GRIK4: variants seen among roughly 807,000 people sequenced by gnomAD.
The protein encoded by GRIK4 is glutamate ionotropic receptor kainate type subunit 4, also known as glutamate receptor ionotropic, kainate 4.
GRIK4 carries 40 observed loss-of-function variants against 104.9 expected under a neutral mutation model. The observed-to-expected ratio is 0.38, with a 90% CI of 0.30 to 0.50. GRIK4 has a LOEUF of 0.50. GRIK4 is among the 20% of genes least tolerant of loss of function. The probability of loss-of-function intolerance (pLI) is 0.93; values close to 1 mark genes in which losing one functional copy is unlikely to be tolerated. For missense variants in GRIK4, 1,047 were observed against 1,308.1 expected (o/e 0.80, Z 3.08); for synonymous variants, 485 against 524.9 (o/e 0.92, Z 1.04).
At chr11:120,815,618 A>C in intron 5 of GRIK4, 143 bp downstream of exon 5, 1 of 543,286 alleles carries the variant, frequency 1.8e-6, no homozygotes, top group African/African-American at 2.0e-5. Flanking sequence ...ATACAAATAC[A>C]GAAGCAGTGG....
intron 3 of GRIK4, among the ~76,000 whole-genome samples, chr11:120,687,965 TAAG>T (rs1157369880): frequency 6.6e-6 from 1 of 152,184 alleles, no homozygotes; most frequent in Non-Finnish European, 1.5e-5. Context: ...GTAAATGACT[TAAG>T]GAGAAAATTG....
chr11:120,913,250 C>G (rs1160457860), intron 13 of GRIK4, among the ~76,000 whole-genome samples: 1 of 152,108 alleles, frequency 6.6e-6, no homozygotes, highest in African/African-American at 2.4e-5. Context: ...CCTCATCTCC[C>G]TGCAGCCACA....
chr11:120,548,593 TA>T (rs76873168), intron 1 of GRIK4, among the ~76,000 whole-genome samples: 5,074 of 152,086 alleles, frequency 0.033, 118 homozygotes, highest in East Asian at 0.09. Flanking sequence ...CACTGGGTTT[TA>T]AGAGAGTGAA....
chr11:120,765,769 T>A (rs1009600796), intron 3 of GRIK4, among the ~76,000 whole-genome samples: 2 of 152,256 alleles, frequency 1.3e-5, no homozygotes, highest in Admixed American at 1.3e-4. Context: ...TGCCTGGGTA[T>A]CACCAGCAGA....
rs556751086 is a variant in GRIK4 at position 120,828,802 on chromosome 11, C to T, written c.512-3050C>T. 4.6e-4 allele frequency among the ~76,000 whole-genome samples: 70 copies of T among 152,328 alleles called. 1 individual carries two copies. Among genetic ancestry groups the T allele is most frequent in the African/African-American group, 1.6e-3 (66 of 41,578 alleles). On this transcript the variant is annotated intron_variant, in intron 6 of 20. Coordinates refer to ENST00000527524, the MANE Select transcript of GRIK4 (RefSeq NM_014619.5). ...ATGTTATATGGGATGGGGAATGATGCTGTTCTTTGTTTAAAGGACAGCAGA... is the reference window on the plus strand; with the variant it reads ...ATGTTATATGGGATGGGGAATGATGTTGTTCTTTGTTTAAAGGACAGCAGA...
intron 3 of GRIK4, among the ~76,000 whole-genome samples, chr11:120,796,061 G>A (rs1378904269): frequency 7.0e-6 from 1 of 142,404 alleles, no homozygotes; most frequent in Non-Finnish European, 1.5e-5. Flanking sequence ...TCCAAGACGG[G>A]GTCTCGCTCT....
chr11:120,672,545 T>C (rs1373561666), intron 3 of GRIK4, among the ~76,000 whole-genome samples: 2 of 152,246 alleles, frequency 1.3e-5, no homozygotes, highest in Admixed American at 6.5e-5. Flanking sequence ...TTTCACGGTA[T>C]TCATTCTTCC....
chr11:120,888,124 C>T (rs969256055), intron 11 of GRIK4, among the ~76,000 whole-genome samples: 3 of 152,186 alleles, frequency 2.0e-5, no homozygotes, highest in Admixed American at 2.0e-4. Context: ...TAGCAAAGGC[C>T]ACCTTCAAGG....
At position 120,903,704 on chromosome 11, in the gene GRIK4, C is replaced by T. The variant is rs758000302; in HGVS notation, c.1273-1586C>T. Among the ~76,000 whole-genome samples, 19 of 152,178 alleles carry T rather than the reference C, an allele frequency of 1.2e-4. No homozygotes were observed. Among genetic ancestry groups the T allele is most frequent in the Non-Finnish European group, 2.1e-4 (14 of 67,984 alleles). On this transcript the variant is annotated intron_variant, in intron 12 of 20. Transcript: ENST00000527524. The surrounding 1 kb of genome is among the most constrained non-coding windows in gnomAD (Gnocchi z 4.4). ...CTGGGACCCCCAGCCCTGCTGTTTG[C>T]GGTGGGGAAGGAGCTTGGAGGAGAG...
At chr11:120,794,985 G>A (rs911617631) in intron 3 of GRIK4, among the ~76,000 whole-genome samples, 2 of 152,078 alleles carry the variant, frequency 1.3e-5, no homozygotes, top group African/African-American at 4.8e-5. Flanking sequence ...TGATGGGGAT[G>A]GGCTGTAGCT....
intron 3 of GRIK4, among the ~76,000 whole-genome samples, chr11:120,744,242 C>T (rs1467514936): frequency 6.6e-6 from 1 of 152,154 alleles, no homozygotes; most frequent in African/African-American, 2.4e-5. Context: ...CTCCATCAGA[C>T]TCTGCCGCAA....
intron 1 of GRIK4, among the ~76,000 whole-genome samples, chr11:120,526,311 G>A (rs146429258): frequency 0.015 from 2,249 of 150,256 alleles, 33 homozygotes; most frequent in South Asian, 0.059. Flanking sequence ...CCTGGCACCC[G>A]CCCTCTCACC....
intron 3 of GRIK4, among the ~76,000 whole-genome samples, chr11:120,755,867 G>T (rs533181784): frequency 6.6e-6 from 1 of 152,304 alleles, no homozygotes; most frequent in East Asian, 1.9e-4. Flanking sequence ...TCTCATGATA[G>T]CCTGGTAGGT....
chr11:120,861,987 T>A lies in GRIK4; in HGVS notation c.773T>A (p.Leu258His). The change falls in exon 9 of 21, where the codon CTT (leucine) becomes CAT (histidine). Residue 258 changes from leucine (L) to histidine (H), a missense_variant. Physicochemically the swap from Leu to His is moderately conservative, Grantham distance 99. This residue lies in a region of GRIK4 where 447 missense variants were observed against 514.9 expected (regional missense o/e 0.87). Transcript: ENST00000527524. ...TTCTCACTCCAGAGAATGGACAGCC[T>A]TGTGGATGATCGTGTCAACATCCTG... Reference protein sequence around the residue: ...LEFSLQRMDSLVDDRVNILGF... With the variant: ...LEFSLQRMDSHVDDRVNILGF... The A allele has an allele frequency of 6.2e-7, 1 of 1,613,836 alleles. No homozygotes were observed. Among genetic ancestry groups the A allele is most frequent in the Non-Finnish European group, 8.5e-7 (1 of 1,179,676 alleles).
In GRIK4 at chr11:120,565,310, A is replaced by C. The variant is rs185274975; in HGVS notation, c.-159+53423A>C. Among the ~76,000 whole-genome samples, 240 of 152,348 alleles carry C rather than the reference A, an allele frequency of 1.6e-3. 1 individual carries two copies. Among genetic ancestry groups the C allele is most frequent in the Non-Finnish European group, 3.8e-4 (26 of 68,028 alleles). Reference sequence around the variant, plus strand: ...CTAAGAACCAGAGCTAAGTGGCTGCAAAGATACTGACAGCCTCCCTAGAAG... The same window carrying C: ...CTAAGAACCAGAGCTAAGTGGCTGCCAAGATACTGACAGCCTCCCTAGAAG... On this transcript the variant is annotated intron_variant, in intron 1 of 20. Coordinates refer to ENST00000527524, the MANE Select transcript of GRIK4 (RefSeq NM_014619.5).
chr11:120,803,124 T>C (rs528842998), intron 4 of GRIK4, among the ~76,000 whole-genome samples: 4 of 152,228 alleles, frequency 2.6e-5, no homozygotes, highest in Admixed American at 6.5e-5. Flanking sequence ...CATATATTGA[T>C]TCATTCATGT....
At chr11:120,798,833 T>A (rs1952571533) in intron 3 of GRIK4, among the ~76,000 whole-genome samples, 8 of 152,212 alleles carry the variant, frequency 5.3e-5, no homozygotes, top group Admixed American at 5.2e-4. Context: ...AATGACCTTA[T>A]TTAACCTTAG....
intron 3 of GRIK4, among the ~76,000 whole-genome samples, chr11:120,775,890 T>G (rs1470697947): frequency 6.6e-6 from 1 of 152,246 alleles, no homozygotes; most frequent in Non-Finnish European, 1.5e-5. Context: ...TGTGAGATAC[T>G]TTTATTATTA....
chr11:120,616,614 T>C (rs1281938890), intron 1 of GRIK4, among the ~76,000 whole-genome samples: 1 of 151,862 alleles, frequency 6.6e-6, no homozygotes, highest in Non-Finnish European at 1.5e-5. Flanking sequence ...ATACAGAATG[T>C]TGAGAGGGGA....
Sources: gnomAD v4.1 joint callset for allele counts (sites outside exome capture counted in the v4.1 genomes callset) on GRCh38, gnomAD v4.1.1 for gene constraint, gnomAD v4.1.1 regional missense constraint, Gnocchi (gnomAD v3.1) non-coding constraint, MANE v1.5 for transcripts, NCBI Gene and HGNC (gene_info 2026-07-23, HGNC 2026-07-21) for gene names.